Variants in BMAL2 observed in about 807,000 individuals in gnomAD.
BMAL2 encodes the protein basic helix-loop-helix ARNT like 2.
the BMAL2 span, among the ~76,000 whole-genome samples, chr12:27,355,867 A>T: frequency 1.3e-5 from 2 of 152,208 alleles, no homozygotes; most frequent in Admixed American, 6.5e-5. Flanking sequence ...AGGAACTTCC[A>T]CCTGGGTTCC....
At chr12:27,399,579 A>G in the BMAL2 span, among the ~76,000 whole-genome samples, 1 of 152,222 alleles carries the variant, frequency 6.6e-6, no homozygotes, top group Non-Finnish European at 1.5e-5. Flanking sequence ...AATCTTTGCT[A>G]TTATTGTTAA....
At chr12:27,332,994 T>TGGGCCGGGGCA in the BMAL2 span, 1 of 1,115,120 alleles carries the variant, frequency 9.0e-7, no homozygotes, top group Non-Finnish European at 1.1e-6. Context: ...AGCCGCCGCC[T>TGGGCCGGGGCA]GGGCCGGGGC....
chr12:27,377,574 A>G, the BMAL2 span: 1 of 152,134 alleles, frequency 6.6e-6, no homozygotes, highest in East Asian at 1.9e-4. Context: ...TGTAACTACA[A>G]TATTCTTTTA....
the BMAL2 span, among the ~76,000 whole-genome samples, chr12:27,418,729 C>T: frequency 2.6e-5 from 4 of 151,960 alleles, no homozygotes; most frequent in African/African-American, 9.7e-5. Context: ...CCTGTAATCC[C>T]AGCACTTTGG....
chr12:27,376,613 TA>T, the BMAL2 span, among the ~76,000 whole-genome samples: 860 of 151,466 alleles, frequency 5.7e-3, 2 homozygotes, highest in Non-Finnish European at 8.4e-3. Flanking sequence ...TAGAATAGCT[TA>T]AAAAAAAACC....
the BMAL2 span, among the ~76,000 whole-genome samples, chr12:27,419,790 T>TA: frequency 6.6e-6 from 1 of 152,226 alleles, no homozygotes; most frequent in Non-Finnish European, 1.5e-5. Context: ...GGTTAGTCTT[T>TA]ATCTGCATTT....
At chr12:27,418,338 C>T in the BMAL2 span, 40 of 551,212 alleles carry the variant, frequency 7.3e-5, no homozygotes, top group Non-Finnish European at 1.2e-4. Context: ...CATTGGCTCA[C>T]ACCTGTAATC....
the BMAL2 span, among the ~76,000 whole-genome samples, chr12:27,340,111 C>T: frequency 6.6e-6 from 1 of 152,096 alleles, no homozygotes. Flanking sequence ...TTAATTAGAT[C>T]CCATTTGTCA....
At chr12:27,396,998 T>C in the BMAL2 span, among the ~76,000 whole-genome samples, 2 of 152,230 alleles carry the variant, frequency 1.3e-5, no homozygotes, top group Non-Finnish European at 2.9e-5. Context: ...TATGGTCGTT[T>C]TGAAATTACT....
the BMAL2 span, among the ~76,000 whole-genome samples, chr12:27,379,655 T>A: frequency 6.6e-6 from 1 of 151,850 alleles, no homozygotes; most frequent in East Asian, 1.9e-4. Flanking sequence ...GCTGGGACAG[T>A]TTTAGTGGGG....
At chr12:27,376,622 A>C in the BMAL2 span, among the ~76,000 whole-genome samples, 3 of 152,252 alleles carry the variant, frequency 2.0e-5, no homozygotes, top group East Asian at 1.9e-4. Flanking sequence ...TTAAAAAAAA[A>C]CCTATTATTT....
At chr12:27,402,042 T>A in the BMAL2 span, among the ~76,000 whole-genome samples, 1 of 152,178 alleles carries the variant, frequency 6.6e-6, no homozygotes, top group African/African-American at 2.4e-5. Flanking sequence ...GCACATCTTA[T>A]AAGCCTGGGG....
At chr12:27,381,825 G>T in the BMAL2 span, among the ~76,000 whole-genome samples, 1 of 152,154 alleles carries the variant, frequency 6.6e-6, no homozygotes, top group African/African-American at 2.4e-5. Flanking sequence ...CTCCAGAGGA[G>T]ACTCTGCAAG....
chr12:27,387,586 GTCT>G, the BMAL2 span, among the ~76,000 whole-genome samples: 1 of 152,082 alleles, frequency 6.6e-6, no homozygotes, highest in Non-Finnish European at 1.5e-5. Flanking sequence ...GATTATACCT[GTCT>G]CTCAAGATGT....
chr12:27,390,187 T>C, the BMAL2 span: 1 of 1,613,978 alleles, frequency 6.2e-7, no homozygotes, highest in Middle Eastern at 1.6e-4. Context: ...TAAAGAGTTG[T>C]AAAATCTCTG....
At chr12:27,396,248 CT>C in the BMAL2 span, among the ~76,000 whole-genome samples, 4 of 152,114 alleles carry the variant, frequency 2.6e-5, no homozygotes, top group African/African-American at 9.7e-5. Flanking sequence ...CAGTGCTTGG[CT>C]TCTAGGAAGC....
chr12:27,352,619 G>T, the BMAL2 span, among the ~76,000 whole-genome samples: 2 of 152,126 alleles, frequency 1.3e-5, no homozygotes, highest in Non-Finnish European at 2.9e-5. Context: ...GAGAAAGAAA[G>T]AAAAGGCATC....
the BMAL2 span, among the ~76,000 whole-genome samples, chr12:27,351,264 G>A: frequency 0.89 from 134,816 of 152,222 alleles, 59,808 homozygotes; most frequent in East Asian, 1. Flanking sequence ...CTCAGATTTC[G>A]GGCTTGAGCC....
the BMAL2 span, among the ~76,000 whole-genome samples, chr12:27,339,127 A>G: frequency 2.0e-4 from 31 of 152,234 alleles, no homozygotes; most frequent in Admixed American, 1.3e-4. Context: ...CCACCTTCCA[A>G]TAGGCCTCAG....
Sources: allele counts gnomAD v4.1 joint callset (sites outside exome capture counted in the v4.1 genomes callset), GRCh38; gene constraint gnomAD v4.1.1; transcripts MANE v1.5; gene names NCBI Gene and HGNC (gene_info 2026-07-23, HGNC 2026-07-21).